Variants in ZC3H12B observed in about 807,000 individuals in gnomAD.
ZC3H12B encodes zinc finger CCCH-type containing 12B.
ZC3H12B carries 7 observed loss-of-function variants against 43.9 expected under a neutral mutation model. That is an observed-to-expected ratio of 0.16 (90% CI 0.09 to 0.30). The LOEUF is 0.30. ZC3H12B is among the 10% of genes least tolerant of loss of function. The probability of loss-of-function intolerance (pLI) is 1.00; values close to 1 mark genes in which losing one functional copy is unlikely to be tolerated. For missense variants in ZC3H12B, 475 were observed against 670.2 expected, an observed-to-expected ratio of 0.71 and a Z score of 3.22; for synonymous variants, 222 against 241.7, an observed-to-expected ratio of 0.92 and a Z score of 0.76.
intron 2 of ZC3H12B, among the ~76,000 whole-genome samples, chrX:65,393,893 T>C: frequency 8.9e-6 from 1 of 112,424 alleles, no homozygotes; most frequent in East Asian, 2.8e-4. Flanking sequence ...ATCTCTATTC[T>C]AACTAGTGTG....
At chrX:65,482,297 G>C (rs1439925275) in intron 3 of ZC3H12B, among the ~76,000 whole-genome samples, 2 of 110,611 alleles carry the variant, frequency 1.8e-5, no homozygotes, top group East Asian at 5.7e-4. Flanking sequence ...GAAAAAGAGA[G>C]GGAGGAGAGA....
chrX:65,062,127 G>C, the ZC3H12B span, among the ~76,000 whole-genome samples: 1 of 112,222 alleles, frequency 8.9e-6, no homozygotes, highest in Non-Finnish European at 1.9e-5. Flanking sequence ...TCTTCACTCT[G>C]ATGATAGTTT....
the ZC3H12B span, among the ~76,000 whole-genome samples, chrX:65,175,182 C>A: frequency 9.0e-6 from 1 of 111,703 alleles, no homozygotes; most frequent in Non-Finnish European, 1.9e-5. Context: ...CCCCACCCTG[C>A]TTCTGCTTAC....
chrX:65,100,740 GA>G, the ZC3H12B span, among the ~76,000 whole-genome samples: 2 of 109,971 alleles, frequency 1.8e-5, no homozygotes, highest in Admixed American at 1.9e-4. Flanking sequence ...GGAGCACCCA[GA>G]TTCATAAAAC....
chrX:65,277,988 AAAG>A, the ZC3H12B span, among the ~76,000 whole-genome samples: 1 of 111,528 alleles, frequency 9.0e-6, no homozygotes, highest in African/African-American at 3.3e-5. Context: ...AAAAAAAATG[AAAG>A]AAGACCTAAA....
the ZC3H12B span, among the ~76,000 whole-genome samples, chrX:65,089,173 C>T: frequency 3.6e-5 from 4 of 110,927 alleles, no homozygotes; most frequent in African/African-American, 1.3e-4. Flanking sequence ...GGAATATATT[C>T]TGAGAAATGC....
intron 1 of ZC3H12B, among the ~76,000 whole-genome samples, chrX:65,496,694 G>A (rs1187478801): frequency 8.9e-6 from 1 of 111,989 alleles, no homozygotes; most frequent in Non-Finnish European, 1.9e-5. Flanking sequence ...AGTGGCTTAT[G>A]CTTGTAATTC....
intron 3 of ZC3H12B, among the ~76,000 whole-genome samples, chrX:65,406,611 GCTGGGCGGGA>G (rs1569396848): frequency 2.6e-4 from 24 of 92,878 alleles, no homozygotes; most frequent in South Asian, 2.2e-3. Context: ...GCTGGGCGGG[GCTGGGCGGGA>G]CTGGGCGGGG....
chrX:65,104,913 C>G, the ZC3H12B span, among the ~76,000 whole-genome samples: 2 of 111,392 alleles, frequency 1.8e-5, no homozygotes, highest in African/African-American at 3.3e-5. Context: ...TGTATATACC[C>G]AAAGGATTAT....
the ZC3H12B span, among the ~76,000 whole-genome samples, chrX:65,190,362 G>T: frequency 9.0e-6 from 1 of 110,893 alleles, no homozygotes; most frequent in Non-Finnish European, 1.9e-5. Context: ...GATGGGGATG[G>T]CATTGAATCT....
chrX:65,061,699 A>G, the ZC3H12B span, among the ~76,000 whole-genome samples: 1 of 112,357 alleles, frequency 8.9e-6, no homozygotes, highest in East Asian at 2.8e-4. Flanking sequence ...GGATTGCTGG[A>G]TCAAGTGATA....
At chrX:65,290,110 TA>T in the ZC3H12B span, among the ~76,000 whole-genome samples, 3 of 110,651 alleles carry the variant, frequency 2.7e-5, no homozygotes, top group Non-Finnish European at 5.7e-5. Flanking sequence ...ATCCAGAATA[TA>T]AAACAAACTC....
chrX:65,192,496 G>T, the ZC3H12B span, among the ~76,000 whole-genome samples: 10 of 111,034 alleles, frequency 9.0e-5, no homozygotes, highest in Non-Finnish European at 1.9e-4. Context: ...AGTGGTATAT[G>T]GCTTTTATTT....
the ZC3H12B span, among the ~76,000 whole-genome samples, chrX:65,048,366 A>G: frequency 9.0e-6 from 1 of 111,651 alleles, no homozygotes; most frequent in East Asian, 2.8e-4. Flanking sequence ...ATAATGCTAC[A>G]ATGAAGATAG....
intron 3 of ZC3H12B, among the ~76,000 whole-genome samples, chrX:65,406,703 G>GGGC (rs1429157303): frequency 5.4e-5 from 6 of 111,195 alleles, no homozygotes; most frequent in South Asian, 7.5e-4. Flanking sequence ...CCAGAGGCGC[G>GGGC]GGCGGCGGCG....
At chrX:65,220,654 A>G in the ZC3H12B span, among the ~76,000 whole-genome samples, 1 of 112,082 alleles carries the variant, frequency 8.9e-6, no homozygotes, top group Non-Finnish European at 1.9e-5. Flanking sequence ...AACTATCACA[A>G]TCCTAAATAT....
At chrX:65,462,492 C>T (rs780492520) in intron 3 of ZC3H12B, among the ~76,000 whole-genome samples, 4 of 111,458 alleles carry the variant, frequency 3.6e-5, no homozygotes, top group Non-Finnish European at 7.5e-5. Context: ...CAAAGCAAGA[C>T]GCCGTCTCAA....
chrX:65,425,577 G>T (rs866595563), intron 3 of ZC3H12B, among the ~76,000 whole-genome samples: 1 of 110,978 alleles, frequency 9.0e-6, no homozygotes, highest in South Asian at 3.8e-4. Flanking sequence ...TGCCCATTCC[G>T]TATGATATTG....
At chrX:65,146,977 A>G in the ZC3H12B span, among the ~76,000 whole-genome samples, 1 of 111,887 alleles carries the variant, frequency 8.9e-6, no homozygotes, top group Non-Finnish European at 1.9e-5. Context: ...GCAAGCCTCC[A>G]CATGCCACTC....
Sources: gnomAD v4.1 joint callset for allele counts (sites outside exome capture counted in the v4.1 genomes callset) on GRCh38, gnomAD v4.1.1 for gene constraint, MANE v1.5 for transcripts, NCBI Gene and HGNC (gene_info 2026-07-23, HGNC 2026-07-21) for gene names.